The following MTIF2 variants were observed in gnomAD, a reference collection of about 807,000 sequenced individuals.
MTIF2 encodes the protein translation initiation factor IF-2, mitochondrial.
MTIF2 carries 71 observed loss-of-function variants against 83.5 expected under a neutral mutation model. The observed-to-expected ratio is 0.85, with a 90% confidence interval of 0.70 to 1.04. The LOEUF (loss-of-function observed/expected upper bound fraction) is 1.04, where lower values mean the gene tolerates loss of function less well. MTIF2 is among the 50% of genes least tolerant of loss of function. MTIF2 has a pLI of 0.00. For missense variants in MTIF2, 957 were observed against 846.5 expected (o/e 1.13, Z -1.62); for synonymous variants, 319 against 287.1 (o/e 1.11, Z -1.12).
intron 9 of MTIF2, among the ~76,000 whole-genome samples, chr2:55,248,192 T>C (rs1676841022): frequency 6.6e-6 from 1 of 152,166 alleles, no homozygotes; most frequent in South Asian, 2.1e-4. Flanking sequence ...CCTGGCCAAA[T>C]ACTTTAATCT....
At chr2:55,242,873 AGACAG>A in intron 13 of MTIF2, 62 bp downstream of exon 13, 3 of 1,502,666 alleles carry the variant, frequency 2.0e-6, no homozygotes, top group Non-Finnish European at 1.8e-6. Context: ...AAGCAACAAA[AGACAG>A]AAGCAGATGG....
In MTIF2 at chr2:55,252,493, A is replaced by G; in HGVS notation, c.825T>C (p.His275=). The change falls in exon 8 of 16, where the codon CAT becomes CAC. Residue 275 remains histidine (H), a synonymous_variant. Transcript: ENST00000263629. The part of the protein sequence containing the change: ...VMKQTVESIQ[H]AKDAQVPIIL... ...ACACAGTACCCTGTGCATCTTTGGCATGCTGAATAGATTCTACAGTTTGTT... is the reference window on the plus strand; with the variant it reads ...ACACAGTACCCTGTGCATCTTTGGCGTGCTGAATAGATTCTACAGTTTGTT... 6.2e-7 allele frequency: 1 copy of G among 1,614,140 alleles called. No homozygotes were observed. The highest frequency in any genetic ancestry group is 2.2e-5 in the East Asian group (1 of 44,874).
chr2:55,256,448 C>G (rs1677542634), intron 5 of MTIF2, among the ~76,000 whole-genome samples: 2 of 151,870 alleles, frequency 1.3e-5, no homozygotes, highest in South Asian at 4.2e-4. Flanking sequence ...TGGCTCACGC[C>G]TGTAATCCCA....
intron 5 of MTIF2, among the ~76,000 whole-genome samples, chr2:55,259,491 AG>A (rs960725862): frequency 1.1e-4 from 10 of 87,814 alleles, no homozygotes; most frequent in African/African-American, 4.8e-4. Flanking sequence ...GTATAGGGGT[AG>A]GGGGTAATGT....
At chr2:55,267,912 A>T (rs1395212603) in intron 2 of MTIF2, 1 of 152,204 alleles carries the variant, frequency 6.6e-6, no homozygotes, top group African/African-American at 2.4e-5. Flanking sequence ...TCGAGTAAAG[A>T]TCAAGGAAAA....
rs535536180 is a variant in MTIF2, at chr2:55,263,489, A to C, written c.219+151T>G. 4.9e-6 allele frequency: 3 copies of C among 607,242 alleles called. No homozygotes were observed. The African/African-American group carries it at 5.5e-5, about 11-fold the overall frequency. 37.6% of individuals were successfully genotyped at this position (607,242 alleles called of 1,614,324 possible). On this transcript the variant is annotated intron_variant, in intron 4 of 15. Transcript: ENST00000263629. ...AGCGGGTGCGGTGGCTAATGCCTGT[A>C]ACCCCAGCTACTCAGGAGGCTGAGG... is the stretch of plus-strand genomic sequence containing the variant.
At position 55,261,458 on chromosome 2, in the gene MTIF2, T is replaced by A. The variant is rs1392338429; in HGVS notation, c.331+858A>T. ...CCGTCTCTACTAAAAAAAAAAAAAA[T>A]TAGCCGGGCGTGGTTGTGGGCACCT... On this transcript the variant is annotated intron_variant, in intron 5 of 15. Coordinates refer to ENST00000263629, the MANE Select transcript of MTIF2 (RefSeq NM_002453.3). Among the ~76,000 whole-genome samples the A allele has an allele frequency of 3.3e-5, 5 of 150,066 alleles. No homozygotes were observed. In the East Asian group the frequency reaches 5.9e-4, roughly 18 times the overall value.
At chr2:55,237,974 C>T (rs914001599) in intron 14 of MTIF2, among the ~76,000 whole-genome samples, 1 of 151,842 alleles carries the variant, frequency 6.6e-6, no homozygotes, top group Non-Finnish European at 1.5e-5. Flanking sequence ...CTTGTCTGCT[C>T]CATGAAAACC....
At position 55,236,799 on chromosome 2, in the gene MTIF2, T is replaced by C. The variant is rs749656515; in HGVS notation, c.2033A>G (p.His678Arg). 1.9e-5 allele frequency: 31 copies of C among 1,603,988 alleles called. No individual in the cohort carries two copies. The highest frequency in any genetic ancestry group is 5.2e-5 in the Admixed American group (3 of 57,396). Residue 678 changes from histidine (H) to arginine (R), a missense_variant, in exon 16 of 16, where the codon CAC (histidine) becomes CGC (arginine). By Grantham distance (29) the His-to-Arg change is conservative (BLOSUM62 0). Transcript: ENST00000263629. ...GACAATTGAAATGTCATCTTTATGG[T>C]GTTTCAATGAGGTTAATGAGCCTTA... The part of the protein sequence containing the change: ...IWKGSLTSLK[H>R]HKDDISIVKT...
intron 10 of MTIF2, among the ~76,000 whole-genome samples, chr2:55,245,758 A>AG (rs1325136388): frequency 6.6e-6 from 1 of 152,016 alleles, no homozygotes; most frequent in Admixed American, 6.6e-5. Context: ...ATTTAAAAAA[A>AG]AAATAATTTC....
In MTIF2 at chr2:55,240,104, T is replaced by C. The variant is rs199962830; in HGVS notation, c.1777A>G (p.Ile593Val). The change falls in exon 14 of 16, where the codon ATT (isoleucine) becomes GTT (valine). Residue 593 changes from isoleucine to valine, a missense_variant. By Grantham distance (29) the Ile-to-Val change is conservative. Around this residue, in one of 3 missense-constraint regions of MTIF2, gnomAD observed 221 missense variants for 180.6 expected, o/e 1.22. Coordinates refer to ENST00000263629, the MANE Select transcript of MTIF2 (RefSeq NM_002453.3). The stretch of plus-strand genomic sequence containing the variant: ...CGGTAAATTATTTTGTGAAGTTTAA[T>C]TTTTACTCCTTTTTTTGCAGCTGAC... Reference protein sequence around the residue: ...QQSAAKKGVKIKLHKIIYRLV... With the variant: ...QQSAAKKGVKVKLHKIIYRLV... 3.1e-6 allele frequency: 5 copies of C among 1,614,000 alleles called. No homozygotes were observed. The African/African-American group carries it at 6.7e-5, about 22-fold the overall frequency.
At chr2:55,259,847 G>C (rs947837870) in intron 5 of MTIF2, among the ~76,000 whole-genome samples, 3 of 152,014 alleles carry the variant, frequency 2.0e-5, no homozygotes. Flanking sequence ...AGGAGGCTGA[G>C]GCACAAGAAT....
intron 8 of MTIF2, among the ~76,000 whole-genome samples, chr2:55,251,110 C>CAAAAAA (rs57949152): frequency 4.8e-4 from 34 of 71,122 alleles, no homozygotes; most frequent in Admixed American, 7.4e-4. Flanking sequence ...AACTCCGTCT[C>CAAAAAA]AAAAAAAAAA....
chr2:55,247,608 A>C (rs1676796073), intron 9 of MTIF2, among the ~76,000 whole-genome samples: 1 of 152,164 alleles, frequency 6.6e-6, no homozygotes, highest in African/African-American at 2.4e-5. Context: ...CAAAACAAAA[A>C]AATTGACTAA....
At chr2:55,241,229 C>G (rs534444242) in intron 13 of MTIF2, among the ~76,000 whole-genome samples, 35 of 151,160 alleles carry the variant, frequency 2.3e-4, no homozygotes, top group African/African-American at 7.8e-4. Flanking sequence ...ACCAGCTTGA[C>G]CAACATGGTG....
At chr2:55,256,987 G>A (rs928319872) in intron 5 of MTIF2, among the ~76,000 whole-genome samples, 13 of 152,166 alleles carry the variant, frequency 8.5e-5, no homozygotes, top group Middle Eastern at 3.4e-3. Flanking sequence ...GTAAGCTACT[G>A]CACCCAAACC....
At chr2:55,242,362 GT>G (rs1229883609) in intron 13 of MTIF2, among the ~76,000 whole-genome samples, 2 of 152,040 alleles carry the variant, frequency 1.3e-5, no homozygotes, top group Non-Finnish European at 2.9e-5. Context: ...CTCAACAAAT[GT>G]TTTTGCTTTA....
chr2:55,237,149 T>A (rs1260050887), intron 15 of MTIF2, 139 bp downstream of exon 15: 3 of 995,942 alleles, frequency 3.0e-6, no homozygotes, highest in African/African-American at 1.6e-5. Context: ...CTACAGACAA[T>A]TTAGGGGTTT....
rs151156913 is a variant in MTIF2, at chr2:55,248,468, A to C, written c.981+927T>G. Among the ~76,000 whole-genome samples the C allele has an allele frequency of 2.1e-3, 323 of 152,274 alleles. 1 individual carries two copies. The highest frequency in any genetic ancestry group is 6.9e-3 in the African/African-American group (286 of 41,566). On this transcript the variant is annotated intron_variant, in intron 9 of 15. Transcript: ENST00000263629. ...CAGGAGAAAAAAAAGGCTATATTAT[A>C]AATAAACTTTGTAATATAATAAGGA...
Sources: gnomAD v4.1 joint callset for allele counts (sites outside exome capture counted in the v4.1 genomes callset) on GRCh38, gnomAD v4.1.1 for gene constraint, gnomAD v4.1.1 regional missense constraint, MANE v1.5 for transcripts, NCBI Gene and HGNC (gene_info 2026-07-23, HGNC 2026-07-21) for gene names.